The following LDLRAD3 variants were observed in gnomAD, a reference collection of about 807,000 sequenced individuals.
The protein encoded by LDLRAD3 is low density lipoprotein receptor class A domain containing 3.
LDLRAD3 carries 20 observed loss-of-function variants against 29.4 expected under a neutral mutation model. The ratio of observed to expected loss-of-function variants is 0.68; its 90% CI spans 0.48 to 0.99. LDLRAD3 has a LOEUF of 0.99. Ranked by LOEUF, LDLRAD3 falls within the 50% of genes least tolerant of loss-of-function variation. LDLRAD3 has a pLI of 0.00. For synonymous variants in LDLRAD3, 157 were observed against 192.7 expected, an observed-to-expected ratio of 0.81 and a Z score of 1.53; for missense variants, 420 against 454.3, an observed-to-expected ratio of 0.92 and a Z score of 0.69.
At chr11:35,999,058 C>G (rs565372500) in intron 1 of LDLRAD3, among the ~76,000 whole-genome samples, 14 of 152,336 alleles carry the variant, frequency 9.2e-5, no homozygotes, top group Admixed American at 3.3e-4. Flanking sequence ...GACATGGGCT[C>G]TGCTTTTAAG....
Position 36,024,756 on chromosome 11 carries a change from A to G in LDLRAD3, c.47-11347A>G, listed in dbSNP as rs138418214. 8.7e-3 allele frequency among the ~76,000 whole-genome samples: 1,329 copies of G among 152,310 alleles called. 18 individuals are homozygous for G. Among genetic ancestry groups the G allele is most frequent in the African/African-American group, 0.031 (1,268 of 41,570 alleles). On this transcript the variant is annotated intron_variant, in intron 1 of 5. Transcript: ENST00000315571. ...GCCCTACCAAGTCACAGCCTTGGCT[A>G]TCCTCAACTGAGCCCATCTGAGCCT...
intron 2 of LDLRAD3, among the ~76,000 whole-genome samples, chr11:36,055,936 T>G (rs918916461): frequency 1.3e-4 from 19 of 150,004 alleles, no homozygotes; most frequent in Admixed American, 4.0e-4. Flanking sequence ...TGCAAAATGG[T>G]AGAGACTCTA....
chr11:36,138,569 G>T (rs138425772), intron 4 of LDLRAD3, among the ~76,000 whole-genome samples: 6 of 152,284 alleles, frequency 3.9e-5, no homozygotes, highest in African/African-American at 1.2e-4. Context: ...GAGGTCAGAG[G>T]CTTGGTTTGG....
At chr11:36,068,539 CAG>C (rs1172848145) in intron 2 of LDLRAD3, among the ~76,000 whole-genome samples, 3 of 152,108 alleles carry the variant, frequency 2.0e-5, no homozygotes, top group African/African-American at 4.8e-5. Context: ...TTCTTTTTGA[CAG>C]AGTCTCACTC....
chr11:36,045,728 T>TC (rs1177292475), intron 2 of LDLRAD3, among the ~76,000 whole-genome samples: 1 of 151,880 alleles, frequency 6.6e-6, no homozygotes. Flanking sequence ...ATGGGTTTTT[T>TC]TTTTTTTTTC....
rs1198603443 is a variant in LDLRAD3, at chr11:36,081,682, T to G, written c.223T>G (p.Phe75Val). The G allele has an allele frequency of 6.2e-7, 1 of 1,614,144 alleles. No homozygotes were observed. The highest frequency in any genetic ancestry group is 8.5e-7 in the Non-Finnish European group (1 of 1,180,050). The change falls in exon 3 of 6, where the codon TTC becomes GTC. Residue 75 changes from phenylalanine to valine, a missense_variant. Coordinates refer to ENST00000315571, the MANE Select transcript of LDLRAD3 (RefSeq NM_174902.4). ...GGCTAAGTCGAAATGTGGCCCAACC[T>G]TCTTCCCCTGTGCCAGCGGCATCCA... Reference protein sequence around the residue: ...PKAKSKCGPTFFPCASGIHCI... With the variant: ...PKAKSKCGPTVFPCASGIHCI...
intron 4 of LDLRAD3, among the ~76,000 whole-genome samples, chr11:36,159,689 C>T (rs1854409169): frequency 6.8e-6 from 1 of 146,628 alleles, no homozygotes; most frequent in Admixed American, 6.8e-5. Context: ...GGGAGGATTG[C>T]TTGAGCTTGG....
At chr11:36,129,364 G>C (rs1853890541) in intron 4 of LDLRAD3, among the ~76,000 whole-genome samples, 1 of 152,176 alleles carries the variant, frequency 6.6e-6, no homozygotes. Flanking sequence ...GAGGTATGTG[G>C]TCTGGGATTC....
chr11:36,054,840 A>ATGGATGGATGG (rs1852585740), intron 2 of LDLRAD3, among the ~76,000 whole-genome samples: 10 of 133,830 alleles, frequency 7.5e-5, no homozygotes, highest in African/African-American at 2.6e-4. Context: ...TGGATGGATG[A>ATGGATGGATGG]ATGGATGGAT....
intron 2 of LDLRAD3, among the ~76,000 whole-genome samples, chr11:36,059,657 C>T (rs1436689628): frequency 6.6e-6 from 1 of 152,218 alleles, no homozygotes; most frequent in Non-Finnish European, 1.5e-5. Context: ...TCTTCTAAAC[C>T]TCTCTGGAAC....
At chr11:36,215,997 A>T (rs1855347418) in intron 4 of LDLRAD3, among the ~76,000 whole-genome samples, 1 of 152,194 alleles carries the variant, frequency 6.6e-6, no homozygotes, top group Non-Finnish European at 1.5e-5. Context: ...TCAGTTCTTG[A>T]CAAATGTAAG....
At chr11:35,969,659 C>T (rs1032054296) in intron 1 of LDLRAD3, among the ~76,000 whole-genome samples, 4 of 152,182 alleles carry the variant, frequency 2.6e-5, no homozygotes, top group African/African-American at 9.7e-5. Context: ...CCATAGGCCC[C>T]GTGTTGCCTT....
chr11:36,198,957 A>G (rs1170166422), intron 4 of LDLRAD3, among the ~76,000 whole-genome samples: 1 of 151,996 alleles, frequency 6.6e-6, no homozygotes, highest in Non-Finnish European at 1.5e-5. Context: ...CTGGAATGGA[A>G]TGGCGCGATC....
chr11:36,070,154 C>T (rs1041669819), intron 2 of LDLRAD3, among the ~76,000 whole-genome samples: 2 of 152,242 alleles, frequency 1.3e-5, no homozygotes, highest in Non-Finnish European at 2.9e-5. Context: ...ACAACTGACT[C>T]AGCACCAGAC....
intron 4 of LDLRAD3, among the ~76,000 whole-genome samples, chr11:36,161,599 TG>T (rs1262415290): frequency 7.2e-6 from 1 of 139,296 alleles, no homozygotes; most frequent in Non-Finnish European, 1.5e-5. Context: ...GATGGATGGA[TG>T]GATGGAGTAC....
chr11:35,990,276 A>C (rs1320640597), intron 1 of LDLRAD3, among the ~76,000 whole-genome samples: 1 of 152,186 alleles, frequency 6.6e-6, no homozygotes, highest in Non-Finnish European at 1.5e-5. Context: ...TGGAGAGAGA[A>C]GTTTGAATCA....
At chr11:36,173,932 C>T (rs74465854) in intron 4 of LDLRAD3, among the ~76,000 whole-genome samples, 10,748 of 152,190 alleles carry the variant, frequency 0.071, 596 homozygotes, top group East Asian at 0.33. Context: ...AAGAGCAAAG[C>T]TGGAGGCATC....
intron 4 of LDLRAD3, among the ~76,000 whole-genome samples, chr11:36,218,757 C>A (rs1261780143): frequency 6.6e-6 from 1 of 152,218 alleles, no homozygotes; most frequent in Non-Finnish European, 1.5e-5. Context: ...GGCCCCTCCC[C>A]TCATGACCCT....
intron 2 of LDLRAD3, among the ~76,000 whole-genome samples, chr11:36,072,460 G>A (rs1457261380): frequency 6.6e-6 from 1 of 152,216 alleles, no homozygotes; most frequent in African/African-American, 2.4e-5. Flanking sequence ...GGAGCTACAG[G>A]CATGATGTCT....
Sources: allele counts gnomAD v4.1 joint callset (sites outside exome capture counted in the v4.1 genomes callset), GRCh38; gene constraint gnomAD v4.1.1; transcripts MANE v1.5; gene names NCBI Gene and HGNC (gene_info 2026-07-23, HGNC 2026-07-21).